Variants in AUTS2 observed in about 807,000 individuals in gnomAD.
The protein encoded by AUTS2 is autism susceptibility gene 2 protein.
A neutral mutation model predicts 112.4 loss-of-function variants in AUTS2; 17 were observed. The ratio of observed to expected loss-of-function variants is 0.15; its 90% confidence interval spans 0.10 to 0.23. AUTS2 has a LOEUF of 0.23. AUTS2 is among the 10% of genes least tolerant of loss of function. The pLI, the probability that AUTS2 is intolerant of heterozygous loss-of-function variation, is 1.00. For synonymous variants in AUTS2, 751 were observed against 702.7 expected (o/e 1.07, Z -1.09); for missense variants, 1,510 against 1,701.6 (o/e 0.89, Z 1.98).
intron 5 of AUTS2, among the ~76,000 whole-genome samples, chr7:70,568,997 C>T (rs1030607471): frequency 8.5e-5 from 13 of 152,190 alleles, no homozygotes; most frequent in Non-Finnish European, 7.3e-5. Context: ...TCAGCTGGCT[C>T]ATTTATAACC....
chr7:70,086,572 C>T (rs956016254), intron 2 of AUTS2, among the ~76,000 whole-genome samples: 14 of 145,180 alleles, frequency 9.6e-5, no homozygotes, highest in Admixed American at 2.1e-4. Flanking sequence ...ACCTGGGAAA[C>T]GATGGTTGCA....
At chr7:70,302,906 CTTTT>C (rs61466921) in intron 4 of AUTS2, among the ~76,000 whole-genome samples, 2 of 127,856 alleles carry the variant, frequency 1.6e-5, no homozygotes. Context: ...GAAAGATCTT[CTTTT>C]TTTTTTTTTT....
intron 1 of AUTS2, among the ~76,000 whole-genome samples, chr7:69,745,027 C>G (rs1039016471): frequency 9.9e-5 from 15 of 152,102 alleles, no homozygotes; most frequent in African/African-American, 3.6e-4. Flanking sequence ...TCGTGGACCC[C>G]CTGAGGCCTA....
intron 4 of AUTS2, among the ~76,000 whole-genome samples, chr7:70,323,218 C>T (rs929575101): frequency 1.1e-4 from 16 of 152,190 alleles, no homozygotes; most frequent in Admixed American, 3.3e-4. Context: ...AGTTAGCATT[C>T]GCTCAAAACA....
At chr7:70,741,361 A>G (rs1319855820) in intron 6 of AUTS2, among the ~76,000 whole-genome samples, 1 of 151,848 alleles carries the variant, frequency 6.6e-6, no homozygotes, top group Admixed American at 6.6e-5. Flanking sequence ...GGAACCCAGT[A>G]AAAACAGTAA....
At chr7:70,016,357 C>A (rs964443849) in intron 2 of AUTS2, among the ~76,000 whole-genome samples, 2 of 152,134 alleles carry the variant, frequency 1.3e-5, no homozygotes, top group African/African-American at 4.8e-5. Flanking sequence ...TTCTGTAGTA[C>A]CTCAGTCCCT....
chr7:69,988,699 T>C (rs1798613873), intron 2 of AUTS2, among the ~76,000 whole-genome samples: 1 of 152,208 alleles, frequency 6.6e-6, no homozygotes, highest in Admixed American at 6.5e-5. Flanking sequence ...GGCTGCTCAC[T>C]TTGCAGGATT....
rs548993891 is a variant in AUTS2, at chr7:69,733,254, TG to T, written c.309+133298del. On this transcript the variant is annotated intron_variant, in intron 1 of 18. Coordinates refer to ENST00000342771, the MANE Select transcript of AUTS2 (RefSeq NM_015570.4). ...CTTTGGTATTCACCTGTTTAGTCAG[TG>T]GGGGGCAAATTTGATGCAAGAGCAG... Among the ~76,000 whole-genome samples, 34 of 152,250 alleles carry T rather than the reference TG, an allele frequency of 2.2e-4. No homozygotes were observed. In the East Asian group the frequency reaches 6.4e-3, roughly 29 times the overall value.
At chr7:70,378,900 A>T (rs1010420019) in intron 4 of AUTS2, among the ~76,000 whole-genome samples, 1 of 152,238 alleles carries the variant, frequency 6.6e-6, no homozygotes, top group African/African-American at 2.4e-5. Flanking sequence ...GAAACCATCT[A>T]AGAATTTTAA....
intron 4 of AUTS2, among the ~76,000 whole-genome samples, chr7:70,382,969 G>A (rs2129632910): frequency 6.6e-6 from 1 of 152,202 alleles, no homozygotes; most frequent in South Asian, 2.1e-4. Context: ...ATGTTTCTTT[G>A]TGTGTATACA....
chr7:69,789,849 A>T (rs1789538695), intron 1 of AUTS2, among the ~76,000 whole-genome samples: 1 of 152,178 alleles, frequency 6.6e-6, no homozygotes, highest in Non-Finnish European at 1.5e-5. Context: ...AGTTAAAAAT[A>T]CCTGTCATTG....
At chr7:69,961,334 A>G (rs1406320438) in intron 2 of AUTS2, among the ~76,000 whole-genome samples, 1 of 152,124 alleles carries the variant, frequency 6.6e-6, no homozygotes, top group Non-Finnish European at 1.5e-5. Context: ...CTAAGGGGAA[A>G]GTGCTTCCCT....
At chr7:70,470,267 G>A (rs1290283700) in intron 5 of AUTS2, among the ~76,000 whole-genome samples, 2 of 152,150 alleles carry the variant, frequency 1.3e-5, no homozygotes, top group Admixed American at 1.3e-4. Flanking sequence ...TATTCAGCTG[G>A]CCACTGCCAG....
intron 4 of AUTS2, among the ~76,000 whole-genome samples, chr7:70,285,353 A>G (rs1788409070): frequency 6.6e-6 from 1 of 152,202 alleles, no homozygotes; most frequent in Admixed American, 6.5e-5. Flanking sequence ...CCCAGCCCTC[A>G]TGCTGCCTCC....
intron 1 of AUTS2, among the ~76,000 whole-genome samples, chr7:69,655,112 G>A (rs927619864): frequency 6.6e-6 from 1 of 152,102 alleles, no homozygotes; most frequent in Admixed American, 6.5e-5. Flanking sequence ...CAATAGGGAA[G>A]CTTGTTGACC....
intron 4 of AUTS2, among the ~76,000 whole-genome samples, chr7:70,236,159 G>A (rs986574367): frequency 8.5e-5 from 13 of 152,160 alleles, no homozygotes; most frequent in East Asian, 3.8e-4. Flanking sequence ...GGTACATAGC[G>A]AAACTCAGTA....
rs143877895 is a variant in AUTS2, at chr7:70,381,989, TCA to T, written c.661-53760_661-53759del. ...AACCAGAAAGACTAAAAGTCTTCAC[TCA>T]CAGAGCTTACTTTCTACTAATGTCT... On this transcript the variant is annotated intron_variant, in intron 4 of 18. Coordinates refer to ENST00000342771, the MANE Select transcript of AUTS2 (RefSeq NM_015570.4). Among the ~76,000 whole-genome samples, 992 of 152,296 alleles carry T rather than the reference TCA, an allele frequency of 6.5e-3. 13 individuals carry two copies. The highest frequency in any genetic ancestry group is 0.023 in the African/African-American group (947 of 41,568).
chr7:70,418,107 G>GTGTGTGTGTC (rs1554396560), intron 4 of AUTS2, among the ~76,000 whole-genome samples: 10 of 150,854 alleles, frequency 6.6e-5, no homozygotes, highest in Non-Finnish European at 8.9e-5. Context: ...GTGTGTGTGT[G>GTGTGTGTGTC]TGTGTCTGTG....
intron 5 of AUTS2, among the ~76,000 whole-genome samples, chr7:70,671,808 A>G (rs1198953318): frequency 6.6e-6 from 1 of 152,192 alleles, no homozygotes; most frequent in Non-Finnish European, 1.5e-5. Context: ...GAAGTGTCAG[A>G]TGGTTTGGCG....
Sources: gnomAD v4.1 joint callset for allele counts (sites outside exome capture counted in the v4.1 genomes callset) on GRCh38, gnomAD v4.1.1 for gene constraint, MANE v1.5 for transcripts, NCBI Gene and HGNC (gene_info 2026-07-23, HGNC 2026-07-21) for gene names.